PPP1R12A: variants seen among roughly 807,000 people sequenced by gnomAD.
The protein encoded by PPP1R12A is myosin binding subunit.
PPP1R12A carries 19 observed loss-of-function variants against 139.6 expected under a neutral mutation model. The ratio of observed to expected loss-of-function variants is 0.14; its 90% confidence interval spans 0.09 to 0.20. The LOEUF (loss-of-function observed/expected upper bound fraction) is 0.20, where lower values mean the gene tolerates loss of function less well. Among genes scored for constraint, PPP1R12A ranks in the 10% least tolerant of loss-of-function variants. PPP1R12A has a pLI of 1.00. For synonymous variants in PPP1R12A, 427 were observed against 420.6 expected, an observed-to-expected ratio of 1.02 and a Z score of -0.19; for missense variants, 925 against 1,211.5, an observed-to-expected ratio of 0.76 and a Z score of 3.51.
At chr12:79,824,299 A>T (rs1016161510) in intron 5 of PPP1R12A, among the ~76,000 whole-genome samples, 2 of 152,184 alleles carry the variant, frequency 1.3e-5, no homozygotes, top group African/African-American at 2.4e-5. Context: ...AGATTATGTT[A>T]TGTGGAAATA....
intron 3 of PPP1R12A, among the ~76,000 whole-genome samples, chr12:79,833,178 G>A (rs759462047): frequency 3.4e-4 from 52 of 152,126 alleles, no homozygotes; most frequent in Non-Finnish European, 7.1e-4. Context: ...GGCTGATGTG[G>A]AAGGATCGCT....
At position 79,795,777 on chromosome 12, in the gene PPP1R12A, GAACCACAATATAGCAA is replaced by G. The variant is rs764473384; in HGVS notation, c.2462-34_2462-19del. 7 of 1,602,944 alleles carry G rather than the reference GAACCACAATATAGCAA, an allele frequency of 4.4e-6. No homozygotes were observed. The Admixed American group carries it at 1.2e-4, about 27-fold the overall frequency. ...TTCTCCCTCTGTTAAGGATTGCAATGAACCACAATATAGCAATATATCTTGACAATATTTTGCAAGG... is the reference window on the plus strand; with the variant it reads ...TTCTCCCTCTGTTAAGGATTGCAATGTATATCTTGACAATATTTTGCAAGG... On this transcript the variant is annotated intron_variant, in intron 17 of 24. Transcript: ENST00000450142.
intron 1 of PPP1R12A, among the ~76,000 whole-genome samples, chr12:79,924,118 ATTAC>A (rs1332831883): frequency 1.3e-5 from 2 of 152,194 alleles, no homozygotes; most frequent in Admixed American, 1.3e-4. Flanking sequence ...AGACTTAATA[ATTAC>A]TTATTAAATT....
Position 79,773,664 on chromosome 12 carries a change from T to C in PPP1R12A, c.*2265A>G, listed in dbSNP as rs1869470570. 6.6e-6 allele frequency: 1 copy of C among 152,200 alleles called. No individual in the cohort carries two copies. Among genetic ancestry groups the C allele is most frequent in the African/African-American group, 2.4e-5 (1 of 41,452 alleles). 9.4% of individuals were successfully genotyped at this position (152,200 alleles called of 1,614,324 possible). A position where few individuals can be genotyped will look rare whatever the true frequency, so the allele number is the denominator to read the frequency against. On this transcript the variant is annotated 3_prime_UTR_variant, in exon 25 of 25. Coordinates refer to ENST00000450142, the MANE Select transcript of PPP1R12A (RefSeq NM_002480.3). ...TGGCAATTAAGATTGCATTTACAGA[T>C]GTGCATGTACAATGCTGTGCAAATT...
At chr12:79,934,555 G>A in intron 1 of PPP1R12A, 140 bp downstream of exon 1, 2 of 802,118 alleles carry the variant, frequency 2.5e-6, no homozygotes, top group Non-Finnish European at 3.8e-6. Flanking sequence ...CCCGCCCTCT[G>A]GGGAAACCGC....
At chr12:79,900,677 C>T (rs1291194620) in intron 1 of PPP1R12A, among the ~76,000 whole-genome samples, 2 of 152,216 alleles carry the variant, frequency 1.3e-5, no homozygotes, top group Non-Finnish European at 2.9e-5. Flanking sequence ...TTCTCTGTAA[C>T]GTAATTACAT....
Position 79,836,709 on chromosome 12 carries a change from G to GA in PPP1R12A, c.488-4219dup, listed in dbSNP as rs371890397. Among the ~76,000 whole-genome samples, 73 of 151,560 alleles carry GA rather than the reference G, an allele frequency of 4.8e-4. 1 individual carries two copies. The East Asian group carries it at 0.012, about 25-fold the overall frequency. On this transcript the variant is annotated intron_variant, in intron 3 of 24. Transcript: ENST00000450142. ...GTGCTTAGCTCATCAAAAACTTGAAGAAAAAAAAATCTAATTGTACTATGT... is the reference window on the plus strand; with the variant it reads ...GTGCTTAGCTCATCAAAAACTTGAAGAAAAAAAAAATCTAATTGTACTATGT...
chr12:79,915,298 A>C (rs1375237572), intron 1 of PPP1R12A, among the ~76,000 whole-genome samples: 1 of 152,112 alleles, frequency 6.6e-6, no homozygotes, highest in Non-Finnish European at 1.5e-5. Context: ...AGAAAAAGAA[A>C]TTGGAACACA....
At chr12:79,848,442 G>C (rs769651012) in intron 2 of PPP1R12A, among the ~76,000 whole-genome samples, 1 of 152,018 alleles carries the variant, frequency 6.6e-6, no homozygotes, top group Non-Finnish European at 1.5e-5. Flanking sequence ...GAGAATAAAA[G>C]GAATATCTCA....
intron 3 of PPP1R12A, among the ~76,000 whole-genome samples, chr12:79,832,969 T>C (rs1220961626): frequency 6.6e-6 from 1 of 152,244 alleles, no homozygotes; most frequent in Non-Finnish European, 1.5e-5. Flanking sequence ...ATTATTTCTC[T>C]AGCAAACTCC....
chr12:79,852,529 GTAT>G (rs774007584), intron 2 of PPP1R12A, among the ~76,000 whole-genome samples: 1 of 152,038 alleles, frequency 6.6e-6, no homozygotes, highest in Non-Finnish European at 1.5e-5. Context: ...CACACTTTGG[GTAT>G]TATAAGACTC....
At position 79,934,587 on chromosome 12, in the gene PPP1R12A, G is replaced by T. The variant is rs536319569; in HGVS notation, c.237+108C>A. On this transcript the variant is annotated intron_variant, in intron 1 of 24. Transcript: ENST00000450142. ...CCGCCCCCTCACCCCGCAGCAGGGA[G>T]TCTCCCGCCGCCCCCAGCCTCAAGA... 101 of 1,060,350 alleles carry T rather than the reference G, an allele frequency of 9.5e-5. No homozygotes were observed. In the African/African-American group the frequency reaches 1.6e-3, roughly 17 times the overall value. 65.7% of individuals were successfully genotyped at this position (1,060,350 alleles called of 1,614,324 possible).
At chr12:79,818,721 A>T (rs899769138) in intron 8 of PPP1R12A, 2 of 152,188 alleles carry the variant, frequency 1.3e-5, no homozygotes, top group African/African-American at 4.8e-5. Flanking sequence ...GGTAACTAAA[A>T]CTTATGGTTG....
chr12:79,828,062 C>T (rs928275689), intron 5 of PPP1R12A: 3 of 242,224 alleles, frequency 1.2e-5, no homozygotes, highest in African/African-American at 6.7e-5. Flanking sequence ...ATCTACTCTA[C>T]ATGTATGGCA....
chr12:79,814,837 A>AAAAAAAAAAAAAAAAT (rs1255673726), intron 9 of PPP1R12A, among the ~76,000 whole-genome samples: 29 of 151,040 alleles, frequency 1.9e-4, no homozygotes, highest in Non-Finnish European at 3.5e-4. Flanking sequence ...AAAAAAAAAA[A>AAAAAAAAAAAAAAAAT]AAAATTCAAA....
intron 1 of PPP1R12A, among the ~76,000 whole-genome samples, chr12:79,889,852 G>T (rs1168959389): frequency 6.6e-6 from 1 of 152,096 alleles, no homozygotes; most frequent in Non-Finnish European, 1.5e-5. Context: ...TCCAGTGAAG[G>T]TCTGCGTCCT....
rs1877548725 is a variant in PPP1R12A at position 79,832,511 on chromosome 12, T to C, written c.488-20A>G. ...CAACCCCTGATAAAATAAAAATAGT[T>C]CTTTTTATTTTTGCTTAAAAATTGT... On this transcript the variant is annotated intron_variant, in intron 3 of 24. Coordinates refer to ENST00000450142, the MANE Select transcript of PPP1R12A (RefSeq NM_002480.3). 6.4e-7 allele frequency: 1 copy of C among 1,558,178 alleles called. No homozygotes were observed. Among genetic ancestry groups the C allele is most frequent in the African/African-American group, 1.4e-5 (1 of 72,260 alleles).
At chr12:79,925,452 T>C (rs1055561463) in intron 1 of PPP1R12A, among the ~76,000 whole-genome samples, 5 of 152,168 alleles carry the variant, frequency 3.3e-5, no homozygotes, top group Non-Finnish European at 7.3e-5. Context: ...ACTAAGAAAA[T>C]AGTAATTTCA....
At chr12:79,889,920 T>C (rs1884437783) in intron 1 of PPP1R12A, among the ~76,000 whole-genome samples, 1 of 152,152 alleles carries the variant, frequency 6.6e-6, no homozygotes, top group African/African-American at 2.4e-5. Context: ...GGGCCTCTTT[T>C]ATAAGAGCAC....
Sources: allele counts gnomAD v4.1 joint callset (sites outside exome capture counted in the v4.1 genomes callset), GRCh38; gene constraint gnomAD v4.1.1; transcripts MANE v1.5; gene names NCBI Gene and HGNC (gene_info 2026-07-23, HGNC 2026-07-21).